The following GPR158 variants were observed in gnomAD, a reference collection of about 807,000 sequenced individuals.
The protein encoded by GPR158 is metabotropic glycine receptor.
A neutral mutation model predicts 78.2 loss-of-function variants in GPR158; 30 were observed. That is an observed-to-expected ratio of 0.38 (90% CI 0.29 to 0.52). The LOEUF (loss-of-function observed/expected upper bound fraction) is 0.52. GPR158 is among the 20% of genes least tolerant of loss of function. The pLI is 0.83. For synonymous variants in GPR158, 581 were observed against 591.1 expected (o/e 0.98, Z 0.25); for missense variants, 1,463 against 1,523.5 (o/e 0.96, Z 0.66).
At chr10:25,471,242 A>G (rs1258019203) in intron 5 of GPR158, among the ~76,000 whole-genome samples, 6 of 151,682 alleles carry the variant, frequency 4.0e-5, no homozygotes, top group Admixed American at 3.3e-4. Context: ...GTTTGCTGAG[A>G]ATGATGGTTT....
chr10:25,511,263 T>C (rs997189432), intron 5 of GPR158, among the ~76,000 whole-genome samples: 3 of 152,192 alleles, frequency 2.0e-5, no homozygotes, highest in Non-Finnish European at 2.9e-5. Flanking sequence ...TGGTATCGCA[T>C]TGTGGTTTTG....
intron 2 of GPR158, among the ~76,000 whole-genome samples, chr10:25,321,757 G>T (rs1374341764): frequency 6.6e-6 from 1 of 151,952 alleles, no homozygotes; most frequent in Non-Finnish European, 1.5e-5. Flanking sequence ...GCCTAGAATT[G>T]AGTTGTATAT....
intron 2 of GPR158, among the ~76,000 whole-genome samples, chr10:25,365,590 A>C (rs535146311): frequency 1.3e-5 from 2 of 151,852 alleles, no homozygotes; most frequent in South Asian, 4.1e-4. Context: ...GTATCATTAC[A>C]TAGATCCTAT....
At chr10:25,534,145 A>G (rs1394083434) in intron 5 of GPR158, among the ~76,000 whole-genome samples, 1 of 152,100 alleles carries the variant, frequency 6.6e-6, no homozygotes, top group African/African-American at 2.4e-5. Context: ...GCTTTGGCAC[A>G]TGCTTTTCTT....
At chr10:25,497,504 A>G (rs937814343) in intron 5 of GPR158, among the ~76,000 whole-genome samples, 13 of 152,222 alleles carry the variant, frequency 8.5e-5, no homozygotes, top group Admixed American at 7.9e-4. Context: ...GAGGTGATGT[A>G]ATTAAAGAGA....
intron 5 of GPR158, among the ~76,000 whole-genome samples, chr10:25,540,142 A>G (rs1191609569): frequency 6.6e-6 from 1 of 152,216 alleles, no homozygotes; most frequent in Non-Finnish European, 1.5e-5. Flanking sequence ...GGATATGAAC[A>G]GACACTTCTC....
chr10:25,329,037 C>T (rs1231803790), intron 2 of GPR158, among the ~76,000 whole-genome samples: 1 of 151,480 alleles, frequency 6.6e-6, no homozygotes, highest in African/African-American at 2.4e-5. Flanking sequence ...ATTTACTATT[C>T]CTAGCTAACT....
rs151249862 is a variant in GPR158, at chr10:25,492,715, A to G, written c.1404+25996A>G. The stretch of plus-strand genomic sequence containing the variant: ...ACTAGAGCAATGAATAAACCAAGAC[A>G]ATTTGCATGAAGGGATAAAAATGAA... On this transcript the variant is annotated intron_variant, in intron 5 of 10. Coordinates refer to ENST00000376351, the MANE Select transcript of GPR158 (RefSeq NM_020752.3). Among the ~76,000 whole-genome samples, 504 of 152,158 alleles carry G rather than the reference A, an allele frequency of 3.3e-3. 4 individuals carry two copies. Among genetic ancestry groups the G allele is most frequent in the African/African-American group, 0.012 (480 of 41,540 alleles).
rs1455295411 is a variant in GPR158 at position 25,540,645 on chromosome 10, A to G, written c.1405-10331A>G. 8.2e-4 allele frequency among the ~76,000 whole-genome samples: 124 copies of G among 152,044 alleles called. 3 individuals carry two copies. The highest frequency in any genetic ancestry group is 5.1e-4 in the Non-Finnish European group (35 of 67,992). Reference sequence around the variant, plus strand: ...GGATGAGTTCATGTCCTTTGTAGGGACATGGATGAAGCTGGAAACCATCAT... The same window carrying G: ...GGATGAGTTCATGTCCTTTGTAGGGGCATGGATGAAGCTGGAAACCATCAT... On this transcript the variant is annotated intron_variant, in intron 5 of 10. Coordinates refer to ENST00000376351, the MANE Select transcript of GPR158 (RefSeq NM_020752.3).
chr10:25,558,991 G>C (rs1053972442), intron 6 of GPR158, among the ~76,000 whole-genome samples: 1 of 152,130 alleles, frequency 6.6e-6, no homozygotes, highest in African/African-American at 2.4e-5. Flanking sequence ...TGGTAATGCT[G>C]TTCAAATCTT....
intron 8 of GPR158, among the ~76,000 whole-genome samples, chr10:25,589,958 A>G (rs1837318853): frequency 1.3e-5 from 2 of 152,224 alleles, no homozygotes; most frequent in African/African-American, 2.4e-5. Flanking sequence ...CACACTTAAG[A>G]AAATTAGAGA....
At chr10:25,291,819 G>A (rs1015948048) in intron 2 of GPR158, among the ~76,000 whole-genome samples, 1 of 151,672 alleles carries the variant, frequency 6.6e-6, no homozygotes, top group African/African-American at 2.4e-5. Flanking sequence ...GCACAAATGA[G>A]TTATAAGGCT....
intron 2 of GPR158, among the ~76,000 whole-genome samples, chr10:25,257,474 C>A (rs112187484): frequency 6.6e-6 from 1 of 152,096 alleles, no homozygotes; most frequent in Non-Finnish European, 1.5e-5. Flanking sequence ...AAAAGCTGAT[C>A]GGCTATTTAG....
Position 25,241,326 on chromosome 10 carries a change from C to CTT in GPR158, c.1008+20170_1008+20171dup, listed in dbSNP as rs1225307406. On this transcript the variant is annotated intron_variant, in intron 2 of 10. Transcript: ENST00000376351. ...TTTCTTTTCTTTTCTCTTCTCTTCT[C>CTT]TTCTCTTCTCTTTTCTCTTTTCTCT... Among the ~76,000 whole-genome samples, 15 of 123,674 alleles carry CTT rather than the reference C, an allele frequency of 1.2e-4. 1 individual carries two copies. The highest frequency in any genetic ancestry group is 5.2e-4 in the African/African-American group (15 of 28,672). 81.1% of individuals were successfully genotyped at this position (123,674 alleles called of 152,430 possible).
chr10:25,185,687 G>C (rs1852674467), intron 1 of GPR158, among the ~76,000 whole-genome samples: 1 of 152,114 alleles, frequency 6.6e-6, no homozygotes, highest in Admixed American at 6.5e-5. Context: ...GCCAGGCGTG[G>C]TGGCAGGCGC....
At chr10:25,215,202 A>C (rs533021320) in intron 1 of GPR158, among the ~76,000 whole-genome samples, 392 of 152,356 alleles carry the variant, frequency 2.6e-3, no homozygotes, top group Admixed American at 0.01. Context: ...AGGAAATTCT[A>C]ATACATGCTA....
At chr10:25,563,645 A>G (rs770682095) in intron 6 of GPR158, among the ~76,000 whole-genome samples, 3 of 152,168 alleles carry the variant, frequency 2.0e-5, no homozygotes, top group East Asian at 3.8e-4. Context: ...CCCTAAATTT[A>G]TAACAGTTTA....
In GPR158 at chr10:25,175,442, T is replaced by C. The variant is rs1852511208; in HGVS notation, c.22T>C (p.Leu8=). The part of the protein sequence containing the change: MGAMAYP[L]LLCLLLAQLG... ...GCAGATGGGAGCCATGGCTTACCCC[T>C]TACTCCTCTGCCTCCTGCTTGCTCA... Residue 8 remains leucine, a synonymous_variant, in exon 1 of 11, where the codon TTA becomes CTA. Coordinates refer to ENST00000376351, the MANE Select transcript of GPR158 (RefSeq NM_020752.3). The surrounding 1 kb of genome is among the most constrained non-coding windows in gnomAD (Gnocchi z 6.4). The C allele has an allele frequency of 4.4e-6, 7 of 1,586,034 alleles. No homozygotes were observed. The East Asian group carries it at 1.6e-4, about 36-fold the overall frequency.
chr10:25,438,578 A>T (rs936545170), intron 4 of GPR158, among the ~76,000 whole-genome samples: 1 of 152,254 alleles, frequency 6.6e-6, no homozygotes, highest in African/African-American at 2.4e-5. Flanking sequence ...AACAGTAATT[A>T]GCATCTTCAG....
Sources: gnomAD v4.1 joint callset for allele counts (sites outside exome capture counted in the v4.1 genomes callset) on GRCh38, gnomAD v4.1.1 for gene constraint, Gnocchi (gnomAD v3.1) non-coding constraint, MANE v1.5 for transcripts, NCBI Gene and HGNC (gene_info 2026-07-23, HGNC 2026-07-21) for gene names.